The following ADAMTSL1 variants were observed in gnomAD, a reference collection of about 807,000 sequenced individuals.
ADAMTSL1 encodes ADAMTS like 1.
ADAMTSL1 carries 126 observed loss-of-function variants against 201.8 expected under a neutral mutation model. That is an observed-to-expected ratio of 0.62 (90% CI 0.54 to 0.72). The LOEUF is 0.72. Among genes scored for constraint, ADAMTSL1 ranks in the 30% least tolerant of loss-of-function variants. ADAMTSL1 has a pLI of 0.00. For missense variants in ADAMTSL1, 2,679 were observed against 2,277.8 expected (o/e 1.18, Z -3.59); for synonymous variants, 1,121 against 903.4 (o/e 1.24, Z -4.32).
chr9:18,859,592 A>T (rs2131409506), intron 23 of ADAMTSL1, among the ~76,000 whole-genome samples: 2 of 152,316 alleles, frequency 1.3e-5, no homozygotes, highest in South Asian at 4.1e-4. Context: ...TGTTGCCCAA[A>T]ACGTAAATTA....
chr9:18,277,005 G>A (rs576492768), intron 2 of ADAMTSL1, among the ~76,000 whole-genome samples: 55 of 152,208 alleles, frequency 3.6e-4, no homozygotes, highest in African/African-American at 1.2e-3. Flanking sequence ...TTCTTTGACC[G>A]ATTGGCTATT....
chr9:18,802,804 C>T (rs1167632058), intron 20 of ADAMTSL1, among the ~76,000 whole-genome samples: 2 of 152,202 alleles, frequency 1.3e-5, no homozygotes, highest in Non-Finnish European at 2.9e-5. Flanking sequence ...AAAGAGACTG[C>T]ACCACTTTAC....
At chr9:18,333,993 C>T (rs1327176770) in intron 2 of ADAMTSL1, among the ~76,000 whole-genome samples, 1 of 152,144 alleles carries the variant, frequency 6.6e-6, no homozygotes, top group Admixed American at 6.5e-5. Flanking sequence ...CCAGAGAAGA[C>T]ACTGTGCTAA....
At chr9:18,794,558 A>T (rs940267549) in intron 19 of ADAMTSL1, among the ~76,000 whole-genome samples, 1 of 152,026 alleles carries the variant, frequency 6.6e-6, no homozygotes, top group Non-Finnish European at 1.5e-5. Flanking sequence ...TCCTCTCAAT[A>T]TGCAATTCTT....
At chr9:18,718,635 T>TGCC (rs1326688286) in intron 14 of ADAMTSL1, 11 of 360,968 alleles carry the variant, frequency 3.0e-5, no homozygotes, top group Non-Finnish European at 4.9e-5. Context: ...GTCCTGCCGC[T>TGCC]GCCGCCGCCG....
At chr9:18,507,814 C>A (rs1236562586) in intron 2 of ADAMTSL1, among the ~76,000 whole-genome samples, 4 of 152,154 alleles carry the variant, frequency 2.6e-5, no homozygotes, top group Non-Finnish European at 4.4e-5. Context: ...CTCACCCTGG[C>A]AGGGGCCCTT....
At chr9:18,574,621 T>TGTGTGTG in intron 4 of ADAMTSL1, 1 of 225,182 alleles carries the variant, frequency 4.4e-6, no homozygotes. Context: ...GTGTGTGTAT[T>TGTGTGTG]TAGAGACTGG....
intron 13 of ADAMTSL1, 21 bp from the exon 14 acceptor site, chr9:18,706,726 T>C: frequency 1.3e-6 from 2 of 1,572,574 alleles, no homozygotes; most frequent in Non-Finnish European, 1.7e-6. Context: ...TCCTGTCCTC[T>C]TGTTTGCTTG....
chr9:18,432,643 A>T (rs58634356), intron 2 of ADAMTSL1, among the ~76,000 whole-genome samples: 1 of 152,166 alleles, frequency 6.6e-6, no homozygotes, highest in Non-Finnish European at 1.5e-5. Context: ...CCCACATTCC[A>T]GTGGTTGCTT....
At chr9:18,480,734 A>G (rs1821682954) in intron 1 of ADAMTSL1, among the ~76,000 whole-genome samples, 1 of 152,240 alleles carries the variant, frequency 6.6e-6, no homozygotes, top group Non-Finnish European at 1.5e-5. Context: ...AAGATGCCAC[A>G]TCATTCTAAT....
At chr9:18,705,835 T>G (rs1832196721) in intron 13 of ADAMTSL1, among the ~76,000 whole-genome samples, 1 of 152,174 alleles carries the variant, frequency 6.6e-6, no homozygotes, top group Non-Finnish European at 1.5e-5. Flanking sequence ...CTCCAAGGGC[T>G]TATTTTGTTA....
chr9:17,917,110 G>T (rs769209770), intron 1 of ADAMTSL1, among the ~76,000 whole-genome samples: 2 of 151,578 alleles, frequency 1.3e-5, no homozygotes, highest in African/African-American at 4.8e-5. Context: ...CTTGTTTTCC[G>T]CAACTTTATT....
chr9:18,869,685 C>G (rs1355393789), intron 23 of ADAMTSL1, among the ~76,000 whole-genome samples: 2 of 152,170 alleles, frequency 1.3e-5, no homozygotes, highest in African/African-American at 4.8e-5. Flanking sequence ...GGTCAACCAT[C>G]ATTCACATCA....
intron 1 of ADAMTSL1, among the ~76,000 whole-genome samples, chr9:17,947,887 C>T (rs1398414044): frequency 6.6e-6 from 1 of 152,124 alleles, no homozygotes; most frequent in Non-Finnish European, 1.5e-5. Flanking sequence ...TGGATAAACA[C>T]ACCTTCTGCA....
chr9:18,631,700 A>G (rs1361312534), intron 5 of ADAMTSL1, among the ~76,000 whole-genome samples: 2 of 152,226 alleles, frequency 1.3e-5, no homozygotes, highest in Non-Finnish European at 2.9e-5. Flanking sequence ...TTTTAAAATG[A>G]ATATAAAATA....
chr9:18,151,432 G>A (rs2132045005), intron 1 of ADAMTSL1, among the ~76,000 whole-genome samples: 1 of 152,104 alleles, frequency 6.6e-6, no homozygotes, highest in South Asian at 2.1e-4. Flanking sequence ...CAGCTCCTGT[G>A]TGAATGCCTC....
At chr9:18,735,373 C>T (rs1773438163) in intron 15 of ADAMTSL1, among the ~76,000 whole-genome samples, 1 of 152,176 alleles carries the variant, frequency 6.6e-6, no homozygotes, top group Non-Finnish European at 1.5e-5. Flanking sequence ...ATTGCTCTCT[C>T]CTTATTTCTT....
chr9:18,062,263 A>C (rs1372394743), intron 1 of ADAMTSL1, among the ~76,000 whole-genome samples: 1 of 152,212 alleles, frequency 6.6e-6, no homozygotes, highest in Non-Finnish European at 1.5e-5. Context: ...AGTGCTAGAG[A>C]ATATGCTCAT....
At chr9:18,427,116 C>T (rs1216394386) in intron 2 of ADAMTSL1, among the ~76,000 whole-genome samples, 1 of 152,152 alleles carries the variant, frequency 6.6e-6, no homozygotes, top group Admixed American at 6.5e-5. Context: ...ATCTGCCAGT[C>T]TAATCATCTA....
Sources: allele counts gnomAD v4.1 joint callset (sites outside exome capture counted in the v4.1 genomes callset), GRCh38; gene constraint gnomAD v4.1.1; transcripts MANE v1.5; gene names NCBI Gene and HGNC (gene_info 2026-07-23, HGNC 2026-07-21).